Variants in ATP2B4 observed in about 807,000 individuals in gnomAD.
ATP2B4 encodes plasma membrane calcium-transporting ATPase 4.
ATP2B4 carries 39 observed loss-of-function variants against 110.3 expected under a neutral mutation model. The ratio of observed to expected loss-of-function variants is 0.35; its 90% CI spans 0.27 to 0.46. The LOEUF is 0.46. ATP2B4 is among the 20% of genes least tolerant of loss of function. The pLI, the probability that ATP2B4 is intolerant of heterozygous loss-of-function variation, is 1.00. For synonymous variants in ATP2B4, 538 were observed against 571.7 expected (o/e 0.94, Z 0.84); for missense variants, 1,135 against 1,530.9 (o/e 0.74, Z 4.32).
rs150802414 is a variant in ATP2B4, at chr1:203,699,629, G to A, written c.561G>A (p.Glu187=). ...GGCTGCAGTGCCGCATTGAACAGGA[G>A]CAAAAGTTCTCCATCATCCGAAACG... ...FRGLQCRIEQ[E]QKFSIIRNGQ... Residue 187 remains glutamate, a synonymous_variant, in exon 4 of 21, where the codon GAG becomes GAA. Transcript: ENST00000357681. 7.8e-4 allele frequency: 1,265 copies of A among 1,614,198 alleles called. 24 individuals are homozygous for A. The South Asian group carries it at 0.013, about 17-fold the overall frequency.
intron 1 of ATP2B4, among the ~76,000 whole-genome samples, chr1:203,631,394 C>CTAAGT (rs1663260622): frequency 6.6e-6 from 1 of 152,226 alleles, no homozygotes; most frequent in South Asian, 2.1e-4. Flanking sequence ...ATTACTAAGA[C>CTAAGT]CCCCTTCCTC....
chr1:203,733,146 G>T, intron 20 of ATP2B4: 1 of 1,405,404 alleles, frequency 7.1e-7, no homozygotes, highest in Non-Finnish European at 9.7e-7. Context: ...AACCTTCCAT[G>T]ACCCTCCCTT....
At chr1:203,728,932 C>T (rs1666607247) in intron 20 of ATP2B4, among the ~76,000 whole-genome samples, 1 of 148,758 alleles carries the variant, frequency 6.7e-6, no homozygotes. Context: ...CAGGTGGATC[C>T]CCTGCCTTAG....
intron 1 of ATP2B4, among the ~76,000 whole-genome samples, chr1:203,654,601 A>G (rs1664101686): frequency 6.6e-6 from 1 of 152,208 alleles, no homozygotes; most frequent in Non-Finnish European, 1.5e-5. Context: ...CATTAAGAAC[A>G]TTCAAGGGCT....
At chr1:203,661,066 C>T (rs147319338) in intron 1 of ATP2B4, among the ~76,000 whole-genome samples, 1,966 of 151,662 alleles carry the variant, frequency 0.013, 40 homozygotes, top group African/African-American at 0.043. Context: ...GCTGAGATCG[C>T]GCCACTGCAC....
chr1:203,680,436 C>T (rs938626663), intron 1 of ATP2B4, among the ~76,000 whole-genome samples: 3 of 151,944 alleles, frequency 2.0e-5, no homozygotes, highest in Admixed American at 2.0e-4. Context: ...GGTGAAACCC[C>T]GTCTCCACTA....
intron 20 of ATP2B4, among the ~76,000 whole-genome samples, chr1:203,730,498 G>A (rs1049418201): frequency 1.3e-5 from 2 of 152,170 alleles, no homozygotes; most frequent in African/African-American, 4.8e-5. Context: ...CTTTGGGTCT[G>A]CTCTTTCCAA....
chr1:203,691,760 G>C (rs1428794064), intron 2 of ATP2B4, among the ~76,000 whole-genome samples: 2 of 152,176 alleles, frequency 1.3e-5, no homozygotes, highest in East Asian at 3.8e-4. Context: ...CTGTATACTC[G>C]GAAGAGTAGC....
intron 2 of ATP2B4, among the ~76,000 whole-genome samples, chr1:203,690,866 CA>C (rs1172689068): frequency 6.6e-6 from 1 of 152,162 alleles, no homozygotes; most frequent in Non-Finnish European, 1.5e-5. Context: ...GGACTCAAGC[CA>C]AAAGTGTCCT....
chr1:203,691,029 C>A (rs777203191), intron 2 of ATP2B4, among the ~76,000 whole-genome samples: 1 of 152,172 alleles, frequency 6.6e-6, no homozygotes, highest in Non-Finnish European at 1.5e-5. Flanking sequence ...TCTGCCAGTT[C>A]TTTTCTACTT....
Position 203,739,781 on chromosome 1 carries a change from A to G in ATP2B4, c.3545A>G (p.Asn1182Ser), listed in dbSNP as rs137927637. 2 of 1,614,198 alleles carry G rather than the reference A, an allele frequency of 1.2e-6. No homozygotes were observed. The highest frequency in any genetic ancestry group is 2.2e-5 in the East Asian group (1 of 44,874). Residue 1182 changes from asparagine to serine, a missense_variant, in exon 21 of 21, where the codon AAT becomes AGT. Transcript: ENST00000357681. The stretch of plus-strand genomic sequence containing the variant: ...ACTCCATATGCCAATACAAACAACA[A>G]TGCGGTGGATTGCAACCAAGTGCAG... ...EVTPYANTNN[N>S]AVDCNQVQLP...
At chr1:203,634,941 G>A (rs1663393719) in intron 1 of ATP2B4, among the ~76,000 whole-genome samples, 1 of 152,058 alleles carries the variant, frequency 6.6e-6, no homozygotes, top group African/African-American at 2.4e-5. Context: ...GGGGATTACA[G>A]GCATGAACCA....
intron 1 of ATP2B4, among the ~76,000 whole-genome samples, chr1:203,659,856 G>C (rs150329137): frequency 9.9e-5 from 15 of 152,214 alleles, no homozygotes; most frequent in African/African-American, 2.6e-4. Flanking sequence ...GGCCAAGGCA[G>C]GTGGATCACA....
At chr1:203,681,225 G>C (rs1489572987) in intron 1 of ATP2B4, among the ~76,000 whole-genome samples, 1 of 152,202 alleles carries the variant, frequency 6.6e-6, no homozygotes, top group Non-Finnish European at 1.5e-5. Flanking sequence ...GACGCAAAGG[G>C]CAAATTGGGA....
At chr1:203,678,237 T>C (rs764076640) in intron 1 of ATP2B4, among the ~76,000 whole-genome samples, 1 of 152,224 alleles carries the variant, frequency 6.6e-6, no homozygotes, top group Non-Finnish European at 1.5e-5. Context: ...ATCACTCTTT[T>C]TCCTCATAGT....
intron 15 of ATP2B4, among the ~76,000 whole-genome samples, chr1:203,716,631 G>A (rs1373456077): frequency 6.9e-6 from 1 of 145,092 alleles, no homozygotes; most frequent in African/African-American, 2.5e-5. Flanking sequence ...CAGGCCTGCT[G>A]TGTTAACTCT....
At chr1:203,679,901 A>C (rs1664947005) in intron 1 of ATP2B4, among the ~76,000 whole-genome samples, 1 of 152,004 alleles carries the variant, frequency 6.6e-6, no homozygotes, top group African/African-American at 2.4e-5. Context: ...AAACAAAAAA[A>C]ACACAAAATA....
intron 1 of ATP2B4, among the ~76,000 whole-genome samples, chr1:203,638,253 C>G (rs1050357875): frequency 1.2e-4 from 18 of 152,294 alleles, no homozygotes; most frequent in African/African-American, 4.3e-4. Flanking sequence ...AGGCCTCCAG[C>G]CTTTGTCTGA....
rs1336291810 is a variant in ATP2B4, at chr1:203,682,773, C to G, written c.-433C>G. 1 of 154,544 alleles carries G rather than the reference C, an allele frequency of 6.5e-6. No individual in the cohort carries two copies. The highest frequency in any genetic ancestry group is 1.4e-5 in the Non-Finnish European group (1 of 69,738). 9.6% of individuals were successfully genotyped at this position (154,544 alleles called of 1,614,324 possible). ...AGTTGTCATCGGTATCCAGGAAGCT[C>G]TCCTCTTCCTCCTCCTGACGTCTAC... is the stretch of plus-strand genomic sequence containing the variant. On this transcript the variant is annotated 5_prime_UTR_variant, in exon 2 of 21. Coordinates refer to ENST00000357681, the MANE Select transcript of ATP2B4 (RefSeq NM_001684.5).
Sources: gnomAD v4.1 joint callset for allele counts (sites outside exome capture counted in the v4.1 genomes callset) on GRCh38, gnomAD v4.1.1 for gene constraint, MANE v1.5 for transcripts, NCBI Gene and HGNC (gene_info 2026-07-23, HGNC 2026-07-21) for gene names.